The following COL4A2 variants were observed in gnomAD, a reference collection of about 807,000 sequenced individuals.
COL4A2 encodes collagen alpha-2(IV) chain.
In COL4A2, 99 loss-of-function variants were observed where a neutral mutation model predicts 200.2. The ratio of observed to expected loss-of-function variants is 0.49; its 90% CI spans 0.42 to 0.58. The LOEUF (loss-of-function observed/expected upper bound fraction) is 0.58, where lower values mean the gene tolerates loss of function less well. COL4A2 is among the 20% of genes least tolerant of loss of function. The pLI, the probability that COL4A2 is intolerant of heterozygous loss-of-function variation, is 0.00. For missense variants in COL4A2, 1,950 were observed against 2,314.1 expected (o/e 0.84, Z 3.23); for synonymous variants, 897 against 900.6 (o/e 1.00, Z 0.07).
chr13:110,312,885 ATGT>A (rs1226292031), intron 3 of COL4A2, among the ~76,000 whole-genome samples: 2 of 152,202 alleles, frequency 1.3e-5, no homozygotes, highest in Non-Finnish European at 2.9e-5. Flanking sequence ...CTGGAAGAGA[ATGT>A]TGTGTGGAAT....
chr13:110,333,410 C>G (rs909429126), intron 3 of COL4A2, among the ~76,000 whole-genome samples: 2 of 152,218 alleles, frequency 1.3e-5, no homozygotes, highest in African/African-American at 2.4e-5. Flanking sequence ...GTCCTCTGAG[C>G]TGTTTGCTGT....
Position 110,503,110 on chromosome 13 carries a change from A to T in COL4A2, c.3878-11A>T. On this transcript the variant is annotated splice_polypyrimidine_tract_variant and intron_variant, in intron 41 of 47. Transcript: ENST00000360467. The stretch of plus-strand genomic sequence containing the variant: ...GTTTAAACCCTCCTTTCTTGTCCCT[A>T]ATGCCAACAGGTTATCGGGGCCCAC... The T allele has an allele frequency of 1.2e-6, 2 of 1,612,690 alleles. No homozygotes were observed. The highest frequency in any genetic ancestry group is 1.7e-6 in the Non-Finnish European group (2 of 1,179,630).
chr13:110,347,063 T>A (rs777611104), intron 3 of COL4A2, among the ~76,000 whole-genome samples: 2 of 152,202 alleles, frequency 1.3e-5, no homozygotes, highest in Non-Finnish European at 2.9e-5. Context: ...TTTTCGCCTC[T>A]AGAAAGGCAC....
intron 31 of COL4A2, 52 bp downstream of exon 31, chr13:110,480,442 T>A (rs1421175841): frequency 6.4e-7 from 1 of 1,551,104 alleles, no homozygotes; most frequent in African/African-American, 1.4e-5. Flanking sequence ...TTGGGTCTAA[T>A]CAACTCTGAC....
intron 4 of COL4A2, among the ~76,000 whole-genome samples, chr13:110,377,756 A>G: frequency 6.6e-6 from 1 of 152,230 alleles, no homozygotes; most frequent in East Asian, 1.9e-4. Context: ...ATAATAGAAA[A>G]ACATGTTAAA....
At chr13:110,400,650 T>C (rs1472592060) in intron 4 of COL4A2, among the ~76,000 whole-genome samples, 2 of 152,220 alleles carry the variant, frequency 1.3e-5, no homozygotes, top group African/African-American at 4.8e-5. Flanking sequence ...TTGTAATCAA[T>C]GAAACCTGAA....
At chr13:110,312,268 C>T (rs1443915737) in intron 3 of COL4A2, among the ~76,000 whole-genome samples, 1 of 152,066 alleles carries the variant, frequency 6.6e-6, no homozygotes, top group Admixed American at 6.6e-5. Flanking sequence ...AGCAGCATCC[C>T]AGAAGGAGAG....
intron 29 of COL4A2, among the ~76,000 whole-genome samples, chr13:110,476,765 G>A (rs1328310090): frequency 1.3e-5 from 2 of 152,218 alleles, no homozygotes; most frequent in African/African-American, 4.8e-5. Flanking sequence ...AGGAGGTCCA[G>A]GGAGCTAGTG....
chr13:110,329,243 G>A (rs979023267), intron 3 of COL4A2, among the ~76,000 whole-genome samples: 7 of 152,220 alleles, frequency 4.6e-5, no homozygotes, highest in Non-Finnish European at 7.3e-5. Flanking sequence ...TTGAAATAAT[G>A]TAAGACACCA....
Position 110,446,870 on chromosome 13 carries a change from T to G in COL4A2, c.1078+6T>G. 6.2e-7 allele frequency: 1 copy of G among 1,610,702 alleles called. No individual in the cohort carries two copies. The highest frequency in any genetic ancestry group is 8.5e-7 in the Non-Finnish European group (1 of 1,177,146). ...TCACCCTTCCCTAGCAAAAGGTGTG[T>G]GAACAATTTCACCTGCATAGTTCAG... On this transcript the variant is annotated splice_donor_region_variant and intron_variant, in intron 18 of 47. Transcript: ENST00000360467.
chr13:110,369,741 GA>G, intron 4 of COL4A2, among the ~76,000 whole-genome samples: 1 of 152,046 alleles, frequency 6.6e-6, no homozygotes, highest in Admixed American at 6.6e-5. Context: ...CACTAACTCA[GA>G]TACCTCAATG....
intron 47 of COL4A2, among the ~76,000 whole-genome samples, chr13:110,510,502 G>A (rs916067177): frequency 1.3e-4 from 1 of 7,598 alleles, no homozygotes; most frequent in Non-Finnish European, 0.013. Flanking sequence ...GAGCTGCTAT[G>A]AGTACCAAGC....
chr13:110,396,982 A>C (rs1485898427), intron 4 of COL4A2, among the ~76,000 whole-genome samples: 1 of 151,944 alleles, frequency 6.6e-6, no homozygotes, highest in African/African-American at 2.4e-5. Context: ...CTTGAGCCTC[A>C]CTCTCCCTCC....
chr13:110,372,166 A>T (rs1304135973), intron 4 of COL4A2, among the ~76,000 whole-genome samples: 1 of 152,236 alleles, frequency 6.6e-6, no homozygotes, highest in Non-Finnish European at 1.5e-5. Flanking sequence ...CATTGTCTTC[A>T]GAGCCCAGCA....
chr13:110,405,079 C>T (rs75404348), intron 4 of COL4A2, among the ~76,000 whole-genome samples: 40 of 152,132 alleles, frequency 2.6e-4, no homozygotes, highest in Non-Finnish European at 5.3e-4. Flanking sequence ...CATGCCACTG[C>T]GTTCCAGCCT....
chr13:110,473,245 C>T lies in COL4A2; in HGVS notation c.2425+95C>T, dbSNP rs556522297. The T allele has an allele frequency of 6.8e-4, 811 of 1,195,106 alleles. 6 individuals carry two copies. Among genetic ancestry groups the T allele is most frequent in the Middle Eastern group, 5.7e-3 (20 of 3,506 alleles). 74.0% of individuals were successfully genotyped at this position (1,195,106 alleles called of 1,614,324 possible). The stretch of plus-strand genomic sequence containing the variant: ...CCCTTCCGGGGGATTTGGTAGGAAG[C>T]AGCGGTGCCCTATAGTGCTAGCCAT... On this transcript the variant is annotated intron_variant, in intron 29 of 47. Coordinates refer to ENST00000360467, the MANE Select transcript of COL4A2 (RefSeq NM_001846.4).
At chr13:110,360,972 A>G (rs1315399569) in intron 4 of COL4A2, among the ~76,000 whole-genome samples, 2 of 152,274 alleles carry the variant, frequency 1.3e-5, no homozygotes, top group African/African-American at 4.8e-5. Context: ...GTTAACAATC[A>G]GCACACAGGG....
At chr13:110,436,723 G>A (rs1000026632) in intron 13 of COL4A2, among the ~76,000 whole-genome samples, 2 of 152,176 alleles carry the variant, frequency 1.3e-5, no homozygotes, top group Non-Finnish European at 2.9e-5. Flanking sequence ...AGCAAAATGT[G>A]TTCAGCAAAA....
At chr13:110,325,380 C>T (rs547962179) in intron 3 of COL4A2, among the ~76,000 whole-genome samples, 86 of 152,190 alleles carry the variant, frequency 5.7e-4, no homozygotes, top group Non-Finnish European at 1.1e-3. Context: ...ACTTGATTCT[C>T]CCTGGTGATG....
Sources: allele counts gnomAD v4.1 joint callset (sites outside exome capture counted in the v4.1 genomes callset), GRCh38; gene constraint gnomAD v4.1.1; transcripts MANE v1.5; gene names NCBI Gene and HGNC (gene_info 2026-07-23, HGNC 2026-07-21).